Variants in CTXND1 observed in about 807,000 individuals in gnomAD.
The protein encoded by CTXND1 is cortexin domain containing 1.
chr15:80,241,785 C>A (rs531177320), intron 1 of CTXND1, among the ~76,000 whole-genome samples: 1 of 152,334 alleles, frequency 6.6e-6, no homozygotes, highest in East Asian at 1.9e-4. Flanking sequence ...CCCTCCCTTC[C>A]ACCCACAGCA....
intron 1 of CTXND1, among the ~76,000 whole-genome samples, chr15:80,238,008 CAAAAAA>C (rs57718635): frequency 1.3e-5 from 1 of 77,106 alleles, no homozygotes; most frequent in African/African-American, 5.7e-5. Flanking sequence ...GACTCCATCT[CAAAAAA>C]AAAAAAAAAA....
At chr15:80,208,761 A>G (rs1200271588) in intron 1 of CTXND1, among the ~76,000 whole-genome samples, 7 of 152,104 alleles carry the variant, frequency 4.6e-5, no homozygotes, top group African/African-American at 1.4e-4. Context: ...ATCTCCCTCT[A>G]TTTCATAGAT....
At chr15:80,241,541 T>C (rs950398815) in intron 1 of CTXND1, among the ~76,000 whole-genome samples, 1 of 152,204 alleles carries the variant, frequency 6.6e-6, no homozygotes, top group African/African-American at 2.4e-5. Flanking sequence ...CTCAGACATG[T>C]AAGGGCTTCA....
intron 1 of CTXND1, among the ~76,000 whole-genome samples, chr15:80,246,215 A>C (rs56102356): frequency 0.014 from 2,150 of 152,362 alleles, 33 homozygotes; most frequent in African/African-American, 0.043. Context: ...TTGTCTTCCA[A>C]AGAAGCAAAT....
intron 1 of CTXND1, among the ~76,000 whole-genome samples, chr15:80,243,289 T>C (rs1893591138): frequency 6.6e-6 from 1 of 152,190 alleles, no homozygotes; most frequent in South Asian, 2.1e-4. Flanking sequence ...GCCTGGGGTA[T>C]GGTGTAAGCT....
At chr15:80,247,539 A>C (rs1308777657) in intron 1 of CTXND1, among the ~76,000 whole-genome samples, 1 of 152,042 alleles carries the variant, frequency 6.6e-6, no homozygotes, top group African/African-American at 2.4e-5. Context: ...ATTTAGTCAT[A>C]GGTCGAGATC....
chr15:80,202,949 A>C (rs1420589318), intron 2 of CTXND1, among the ~76,000 whole-genome samples: 1 of 152,206 alleles, frequency 6.6e-6, no homozygotes, highest in Non-Finnish European at 1.5e-5. Context: ...CACATCACTC[A>C]TTCATCTTGG....
chr15:80,220,146 C>CT (rs1555444756), intron 1 of CTXND1, among the ~76,000 whole-genome samples: 8,316 of 104,874 alleles, frequency 0.079, 290 homozygotes, highest in East Asian at 0.14. Flanking sequence ...ATCTATCTAT[C>CT]ATCTATCTAT....
chr15:80,204,200 A>G (rs1595903118), intron 1 of CTXND1, among the ~76,000 whole-genome samples: 2 of 58,586 alleles, frequency 3.4e-5, no homozygotes, highest in South Asian at 1.8e-3. Flanking sequence ...ATATATATAT[A>G]CACAAACACA....
At chr15:80,237,617 C>T (rs1322515910) in intron 1 of CTXND1, among the ~76,000 whole-genome samples, 1 of 152,016 alleles carries the variant, frequency 6.6e-6, no homozygotes, top group Non-Finnish European at 1.5e-5. Flanking sequence ...AAGTAGAAAA[C>T]ACCTTACAGA....
intron 1 of CTXND1, among the ~76,000 whole-genome samples, chr15:80,236,919 ACAGT>A (rs1225459389): frequency 1.3e-5 from 2 of 152,224 alleles, no homozygotes; most frequent in African/African-American, 2.4e-5. Flanking sequence ...AACCCACAGC[ACAGT>A]CAGTTATATA....
At chr15:80,245,980 A>T (rs1393232419) in intron 1 of CTXND1, among the ~76,000 whole-genome samples, 1 of 152,234 alleles carries the variant, frequency 6.6e-6, no homozygotes, top group East Asian at 1.9e-4. Flanking sequence ...CACCAGGGAG[A>T]CAAAACTGGA....
chr15:80,239,877 G>C lies in CTXND1; in HGVS notation c.-218+12130C>G, dbSNP rs377095093. 2.2e-4 allele frequency among the ~76,000 whole-genome samples: 34 copies of C among 152,204 alleles called. 2 individuals are homozygous for C. The highest frequency in any genetic ancestry group is 1.1e-3 in the Admixed American group (17 of 15,296). On this transcript the variant is annotated intron_variant, in intron 1 of 2. Transcript: ENST00000560778. ...TTGTTTGACTGTTAAAAAAAATTAA[G>C]TCTTTTTTATTATTGATCATTTGCT...
intron 1 of CTXND1, among the ~76,000 whole-genome samples, chr15:80,215,748 A>G (rs967200490): frequency 6.6e-6 from 1 of 152,178 alleles, no homozygotes; most frequent in African/African-American, 2.4e-5. Flanking sequence ...CTCTCTTAAG[A>G]GCCCAACTCA....
chr15:80,234,086 G>C (rs1567133701), intron 1 of CTXND1, among the ~76,000 whole-genome samples: 2 of 152,208 alleles, frequency 1.3e-5, no homozygotes, highest in African/African-American at 4.8e-5. Context: ...GTCTTCTCCA[G>C]CAAAACCAGC....
intron 1 of CTXND1, among the ~76,000 whole-genome samples, chr15:80,241,736 C>A (rs952275933): frequency 6.6e-6 from 1 of 152,186 alleles, no homozygotes; most frequent in Non-Finnish European, 1.5e-5. Context: ...GGAAGTCAGG[C>A]GCACTGGCCC....
chr15:80,220,003 A>G (rs1893295165), intron 1 of CTXND1, among the ~76,000 whole-genome samples: 1 of 152,106 alleles, frequency 6.6e-6, no homozygotes, highest in Admixed American at 6.5e-5. Context: ...GATGTTTCGA[A>G]TTTTAATGTA....
At chr15:80,241,044 C>T (rs532364324) in intron 1 of CTXND1, among the ~76,000 whole-genome samples, 53 of 152,336 alleles carry the variant, frequency 3.5e-4, no homozygotes, top group African/African-American at 1.3e-3. Context: ...ATGTGATACA[C>T]ATTTTGTTGA....
At chr15:80,241,490 C>T (rs568645534) in intron 1 of CTXND1, among the ~76,000 whole-genome samples, 1 of 152,260 alleles carries the variant, frequency 6.6e-6, no homozygotes, top group Admixed American at 6.5e-5. Context: ...AACTGAGGAC[C>T]CCCTTTTGGG....
Sources: allele counts gnomAD v4.1 joint callset (sites outside exome capture counted in the v4.1 genomes callset), GRCh38; gene constraint gnomAD v4.1.1; transcripts MANE v1.5; gene names NCBI Gene and HGNC (gene_info 2026-07-23, HGNC 2026-07-21).